The following PKHD1L1 variants were observed in gnomAD, a reference collection of about 807,000 sequenced individuals.
PKHD1L1 encodes the protein PKHD1 like 1.
Under a neutral mutation model 462.9 loss-of-function variants are expected in PKHD1L1, and 434 were observed. The observed-to-expected ratio is 0.94, with a 90% CI of 0.87 to 1.02. PKHD1L1 has a LOEUF of 1.02. Among genes scored for constraint, PKHD1L1 ranks in the 50% least tolerant of loss-of-function variants. PKHD1L1 has a pLI of 0.00. For missense variants in PKHD1L1, 5,202 were observed against 5,096.1 expected (o/e 1.02, Z -0.63); for synonymous variants, 1,781 against 1,750.0 (o/e 1.02, Z -0.44).
chr8:109,454,345 C>T, intron 44 of PKHD1L1, 99 bp downstream of exon 44: 1 of 800,646 alleles, frequency 1.2e-6, no homozygotes, highest in Non-Finnish European at 1.9e-6. Flanking sequence ...ATCAACCTCT[C>T]CTAAGTTTAT....
chr8:109,411,938 A>T (rs780046622), intron 19 of PKHD1L1, among the ~76,000 whole-genome samples: 1 of 152,158 alleles, frequency 6.6e-6, no homozygotes, highest in Non-Finnish European at 1.5e-5. Flanking sequence ...AAGATTAAAC[A>T]GCAAACACGC....
intron 49 of PKHD1L1, 147 bp downstream of exon 49, chr8:109,465,392 A>C (rs1395633002): frequency 4.6e-6 from 4 of 863,252 alleles, no homozygotes; most frequent in Non-Finnish European, 7.0e-6. Context: ...AGAGGCAAGC[A>C]CCAGGCACAG....
intron 30 of PKHD1L1, 90 bp downstream of exon 30, chr8:109,436,549 G>C: frequency 6.5e-7 from 1 of 1,542,848 alleles, no homozygotes; most frequent in South Asian, 1.2e-5. Context: ...GGTGAAACAA[G>C]TGGTGTATTT....
intron 17 of PKHD1L1, among the ~76,000 whole-genome samples, 165 bp from the exon 18 acceptor site, chr8:109,407,884 G>T (rs1219679439): frequency 6.6e-6 from 1 of 151,942 alleles, no homozygotes; most frequent in African/African-American, 2.4e-5. Flanking sequence ...AAATTTTAAG[G>T]ATCTACATCG....
chr8:109,466,885 A>G, intron 50 of PKHD1L1, 116 bp downstream of exon 50: 1 of 930,388 alleles, frequency 1.1e-6, no homozygotes, highest in Non-Finnish European at 1.6e-6. Flanking sequence ...TATAACATTT[A>G]TATTAGAGTC....
In PKHD1L1 at chr8:109,531,492, A is replaced by G. The variant is rs1443858593; in HGVS notation, c.*1402A>G. ...GACAGAGACAGAGAGGGAGGGGGAG[A>G]GAGAGATAGATAGAGAGAGAGAGAA... is the stretch of plus-strand genomic sequence containing the variant. On this transcript the variant is annotated 3_prime_UTR_variant, in exon 78 of 78. Coordinates refer to ENST00000378402, the MANE Select transcript of PKHD1L1 (RefSeq NM_177531.6). Among the ~76,000 whole-genome samples, 2 of 152,062 alleles carry G rather than the reference A, an allele frequency of 1.3e-5. No individual in the cohort carries two copies. Among genetic ancestry groups the G allele is most frequent in the Non-Finnish European group, 2.9e-5 (2 of 68,022 alleles).
At chr8:109,491,163 T>G in intron 61 of PKHD1L1, 62 bp downstream of exon 61, 1 of 1,486,930 alleles carries the variant, frequency 6.7e-7, no homozygotes, top group Non-Finnish European at 9.2e-7. Context: ...ATCTATATAC[T>G]CTAGAGCTAC....
chr8:109,370,970 C>G lies in PKHD1L1; in HGVS notation c.163+6334C>G, dbSNP rs557849050. ...TGTGAATAGTGCCGCAATAAACATACGTGTGCATGTGTCTTTATAGGAGCA... is the reference window on the plus strand; with the variant it reads ...TGTGAATAGTGCCGCAATAAACATAGGTGTGCATGTGTCTTTATAGGAGCA... On this transcript the variant is annotated intron_variant, in intron 2 of 77. Transcript: ENST00000378402. Among the ~76,000 whole-genome samples, 31 of 152,256 alleles carry G rather than the reference C, an allele frequency of 2.0e-4. No individual in the cohort carries two copies. In the South Asian group the frequency reaches 6.4e-3, roughly 32 times the overall value.
At chr8:109,443,603 G>A in intron 36 of PKHD1L1, 73 bp from the exon 37 acceptor site, 2 of 1,150,536 alleles carry the variant, frequency 1.7e-6, no homozygotes, top group Non-Finnish European at 1.2e-6. Flanking sequence ...AAAATAAAGA[G>A]TAACGCAGTT....
At position 109,427,128 on chromosome 8, in the gene PKHD1L1, G is replaced by T; in HGVS notation, c.2972G>T (p.Ser991Ile). The T allele has an allele frequency of 6.2e-7, 1 of 1,613,894 alleles. No homozygotes were observed. Among genetic ancestry groups the T allele is most frequent in the South Asian group, 1.1e-5 (1 of 91,076 alleles). Residue 991 changes from serine to isoleucine, a missense_variant, in exon 25 of 78, where the codon AGC becomes ATC. Physicochemically the swap from Ser to Ile is moderately radical, Grantham distance 142. Around this residue, in one of 3 missense-constraint regions of PKHD1L1, gnomAD observed 4,497 missense variants for 4,336.8 expected, o/e 1.04. Coordinates refer to ENST00000378402, the MANE Select transcript of PKHD1L1 (RefSeq NM_177531.6). ...AGYAWNIKWR[S>I]TCGKQNLLQI... ...TACGCGTGGAACATCAAATGGAGAAGCACCTGCGGAAAGCAGAATCTTCTA... is the reference window on the plus strand; with the variant it reads ...TACGCGTGGAACATCAAATGGAGAATCACCTGCGGAAAGCAGAATCTTCTA...
chr8:109,415,864 GGTGTGTGTGTGTGTGTGTGTGT>G (rs552265043), intron 21 of PKHD1L1, among the ~76,000 whole-genome samples: 7 of 100,420 alleles, frequency 7.0e-5, no homozygotes, highest in South Asian at 3.4e-4. Flanking sequence ...AAAAAAAAGG[GGTGTGTGTGTGTGTGTGTGTGT>G]GTGTGTGTGT....
chr8:109,483,131 A>G, intron 57 of PKHD1L1, 26 bp downstream of exon 57: 6 of 1,511,834 alleles, frequency 4.0e-6, no homozygotes, highest in Non-Finnish European at 5.4e-6. Flanking sequence ...ATGTAATGGA[A>G]AATGAATATA....
At chr8:109,477,889 CAAT>C (rs1818074203) in intron 53 of PKHD1L1, among the ~76,000 whole-genome samples, 2 of 152,110 alleles carry the variant, frequency 1.3e-5, no homozygotes. Flanking sequence ...TAGTTAAAAA[CAAT>C]ATTTCTATCT....
rs902638557 is a variant in PKHD1L1, at chr8:109,533,836, T to C, written c.*3746T>C. Among the ~76,000 whole-genome samples the C allele has an allele frequency of 3.3e-5, 5 of 152,154 alleles. No homozygotes were observed. The highest frequency in any genetic ancestry group is 2.6e-4 in the Admixed American group (4 of 15,274). On this transcript the variant is annotated 3_prime_UTR_variant, in exon 78 of 78. Coordinates refer to ENST00000378402, the MANE Select transcript of PKHD1L1 (RefSeq NM_177531.6). ...ATTAAAACTTTAGGTAAGAAAAGAC[T>C]AAGATGGTGGACAATTTTATGGCTT... is the stretch of plus-strand genomic sequence containing the variant.
chr8:109,529,878 T>G (rs1307620642), intron 77 of PKHD1L1, among the ~76,000 whole-genome samples: 1 of 151,970 alleles, frequency 6.6e-6, no homozygotes, highest in Admixed American at 6.6e-5. Flanking sequence ...AAATAAAAAA[T>G]AAAACAATCT....
At chr8:109,417,033 T>C (rs530140091) in intron 21 of PKHD1L1, among the ~76,000 whole-genome samples, 1 of 152,330 alleles carries the variant, frequency 6.6e-6, no homozygotes, top group South Asian at 2.1e-4. Context: ...TATCATTAAA[T>C]AGTTCTCTTT....
chr8:109,374,098 T>A (rs1811672090), intron 2 of PKHD1L1, among the ~76,000 whole-genome samples: 1 of 152,128 alleles, frequency 6.6e-6, no homozygotes, highest in African/African-American at 2.4e-5. Flanking sequence ...ATGTTGACAG[T>A]GGGGTGTTAG....
In PKHD1L1 at chr8:109,508,105, A is replaced by C. The variant is rs767780855; in HGVS notation, c.11236A>C (p.Arg3746=). 1.9e-6 allele frequency: 3 copies of C among 1,600,944 alleles called. No homozygotes were observed. The highest frequency in any genetic ancestry group is 4.5e-5 in the East Asian group (2 of 44,824). ...TEKAPHKGII[R]DSTCKYLPEW... is the part of the protein sequence containing the mutation. Reference sequence around the variant, plus strand: ...TATACATATGTTTCTAGGAATTATTAGAGATTCAACCTGTAAGTACCTTCC... The same window carrying C: ...TATACATATGTTTCTAGGAATTATTCGAGATTCAACCTGTAAGTACCTTCC... The change falls in exon 70 of 78, where the codon AGA becomes CGA. Residue 3746 remains arginine (R), a synonymous_variant. Coordinates refer to ENST00000378402, the MANE Select transcript of PKHD1L1 (RefSeq NM_177531.6).
Position 109,454,257 on chromosome 8 carries a change from G to A in PKHD1L1, c.6744+11G>A, listed in dbSNP as rs778338427. On this transcript the variant is annotated intron_variant, in intron 44 of 77. Coordinates refer to ENST00000378402, the MANE Select transcript of PKHD1L1 (RefSeq NM_177531.6). ...GGAGGTGTTCTTCAGGTATTCAAAAGAACATAATACATATTCATTTCCAAC... is the reference window on the plus strand; with the variant it reads ...GGAGGTGTTCTTCAGGTATTCAAAAAAACATAATACATATTCATTTCCAAC... The A allele has an allele frequency of 1.0e-5, 16 of 1,569,806 alleles. No homozygotes were observed. The East Asian group carries it at 3.4e-4, about 33-fold the overall frequency.
Sources: gnomAD v4.1 joint callset for allele counts (sites outside exome capture counted in the v4.1 genomes callset) on GRCh38, gnomAD v4.1.1 for gene constraint, gnomAD v4.1.1 regional missense constraint, MANE v1.5 for transcripts, NCBI Gene and HGNC (gene_info 2026-07-23, HGNC 2026-07-21) for gene names.